ESCO2: variants seen among roughly 807,000 people sequenced by gnomAD.
The protein encoded by ESCO2 is N-acetyltransferase ESCO2.
In ESCO2, 51 loss-of-function variants were observed where a neutral mutation model predicts 61.7. The observed-to-expected ratio is 0.83, with a 90% CI of 0.66 to 1.04. ESCO2 has a LOEUF of 1.04. Among genes scored for constraint, ESCO2 ranks in the 50% least tolerant of loss-of-function variants. The probability of loss-of-function intolerance (pLI) is 0.00; values close to 1 mark genes in which losing one functional copy is unlikely to be tolerated. For synonymous variants in ESCO2, 230 were observed against 238.2 expected, an observed-to-expected ratio of 0.97 and a Z score of 0.32; for missense variants, 692 against 686.2, an observed-to-expected ratio of 1.01 and a Z score of -0.09.
intron 10 of ESCO2, among the ~76,000 whole-genome samples, chr8:27,800,396 G>A (rs1340601449): frequency 6.6e-6 from 1 of 152,140 alleles, no homozygotes; most frequent in African/African-American, 2.4e-5. Context: ...ATCTTTATCA[G>A]GGAAATCACA....
chr8:27,788,037 G>T (rs757385020), intron 6 of ESCO2, 35 bp downstream of exon 6: 4 of 1,502,104 alleles, frequency 2.7e-6, no homozygotes, highest in Non-Finnish European at 3.7e-6. Flanking sequence ...CTCCTATCTA[G>T]CCCTTTGCAG....
At chr8:27,785,892 C>A (rs761370191) in intron 5 of ESCO2, among the ~76,000 whole-genome samples, 5 of 152,118 alleles carry the variant, frequency 3.3e-5, no homozygotes, top group African/African-American at 7.2e-5. Context: ...TAGAGAGTAT[C>A]ACATGCTATT....
At chr8:27,794,617 C>T (rs1200186932) in intron 9 of ESCO2, among the ~76,000 whole-genome samples, 1 of 151,970 alleles carries the variant, frequency 6.6e-6, no homozygotes, top group Non-Finnish European at 1.5e-5. Flanking sequence ...CTTTTATTGC[C>T]CACATTTTTG....
the ESCO2 span, among the ~76,000 whole-genome samples, chr8:27,818,055 T>G: frequency 2.0e-5 from 3 of 152,188 alleles, no homozygotes; most frequent in Admixed American, 1.3e-4. Context: ...TCCAATGCTT[T>G]TTCACCCTCC....
chr8:27,784,828 C>A (rs926343728), intron 5 of ESCO2, among the ~76,000 whole-genome samples: 1 of 152,190 alleles, frequency 6.6e-6, no homozygotes, highest in Non-Finnish European at 1.5e-5. Flanking sequence ...AAGCAAGGAA[C>A]TTCCCGGCTA....
At chr8:27,785,915 G>A (rs1242533740) in intron 5 of ESCO2, among the ~76,000 whole-genome samples, 1 of 152,146 alleles carries the variant, frequency 6.6e-6, no homozygotes, top group African/African-American at 2.4e-5. Context: ...ACTATACTGA[G>A]TTCTAGAGAT....
At chr8:27,788,816 A>G (rs1245292508) in intron 6 of ESCO2, 31 bp from the exon 7 acceptor site, 2 of 1,613,656 alleles carry the variant, frequency 1.2e-6, no homozygotes, top group South Asian at 1.1e-5. Flanking sequence ...CTATATTTAA[A>G]TGGGTTTCTT....
intron 6 of ESCO2, 27 bp from the exon 7 acceptor site, chr8:27,788,820 G>A (rs1563475215): frequency 6.2e-7 from 1 of 1,613,678 alleles, no homozygotes; most frequent in Admixed American, 1.7e-5. Context: ...ATTTAAATGG[G>A]TTTCTTTTTT....
At chr8:27,801,061 T>C (rs989881429) in intron 10 of ESCO2, among the ~76,000 whole-genome samples, 1 of 152,190 alleles carries the variant, frequency 6.6e-6, no homozygotes, top group African/African-American at 2.4e-5. Flanking sequence ...CACTCTGTTG[T>C]ACACTTTTAA....
chr8:27,786,847 T>C (rs1358031029), intron 5 of ESCO2, among the ~76,000 whole-genome samples: 1 of 147,682 alleles, frequency 6.8e-6, no homozygotes, highest in Non-Finnish European at 1.5e-5. Flanking sequence ...AACTTCTTAC[T>C]TTTGGTACTA....
At chr8:27,807,382 CTTTA>C (rs1225400720), downstream of ESCO2, among the ~76,000 whole-genome samples, 1 of 152,056 alleles carries the variant, frequency 6.6e-6, no homozygotes, top group Non-Finnish European at 1.5e-5. Flanking sequence ...TTTGATTTTT[CTTTA>C]TTGTTAATAT....
At chr8:27,772,860 G>A (rs1361536577), upstream of ESCO2, among the ~76,000 whole-genome samples, 1 of 152,186 alleles carries the variant, frequency 6.6e-6, no homozygotes, top group African/African-American at 2.4e-5. Flanking sequence ...CTAACTCACA[G>A]GATATTTTTT....
rs148770061 is a variant in ESCO2 at position 27,799,037 on chromosome 8, C to A, written c.1498-504C>A. ...GTAATTTCATGGTTTTGGTATTATA[C>A]CAGTTATGGAAGATGTAATCATTGG... On this transcript the variant is annotated intron_variant, in intron 9 of 10. Transcript: ENST00000305188. 1.1e-4 allele frequency among the ~76,000 whole-genome samples: 17 copies of A among 152,112 alleles called. No homozygotes were observed. The East Asian group carries it at 1.9e-3, about 17-fold the overall frequency.
intron 3 of ESCO2, chr8:27,778,854 T>C (rs1361947684): frequency 6.6e-6 from 1 of 152,220 alleles, no homozygotes; most frequent in Admixed American, 6.5e-5. Context: ...CTATGCTCTT[T>C]CAAGATTTTG....
rs565442709 is a variant in ESCO2 at position 27,797,817 on chromosome 8, CT to C, written c.1498-1717del. 2.1e-3 allele frequency among the ~76,000 whole-genome samples: 321 copies of C among 152,248 alleles called. 2 individuals carry two copies. The highest frequency in any genetic ancestry group is 2.7e-3 in the Non-Finnish European group (181 of 68,020). The stretch of plus-strand genomic sequence containing the variant: ...TTATATCACCTACAAAAGCTCTGCA[CT>C]TTTTTTCCCTTCAACATTACTAATT... On this transcript the variant is annotated intron_variant, in intron 9 of 10. Transcript: ENST00000305188.
downstream of ESCO2, among the ~76,000 whole-genome samples, chr8:27,814,407 G>C (rs368684620): frequency 9.2e-5 from 14 of 152,084 alleles, no homozygotes; most frequent in East Asian, 1.7e-3. Context: ...TTGGTGACTT[G>C]TGTTCTCTTT....
chr8:27,772,893 G>T (rs1045128201), upstream of ESCO2, among the ~76,000 whole-genome samples: 3 of 152,126 alleles, frequency 2.0e-5, no homozygotes, highest in Non-Finnish European at 2.9e-5. Context: ...GTTAATGGGC[G>T]CCAAGGGTTT....
chr8:27,803,214 A>AT, intron 10 of ESCO2, 92 bp from the exon 11 acceptor site: 1 of 1,151,018 alleles, frequency 8.7e-7, no homozygotes, highest in East Asian at 2.4e-5. Context: ...AATAAGGTTG[A>AT]TTTAAGTCAA....
At chr8:27,814,095 A>C (rs1805762721), downstream of ESCO2, among the ~76,000 whole-genome samples, 1 of 152,106 alleles carries the variant, frequency 6.6e-6, no homozygotes, top group Non-Finnish European at 1.5e-5. Flanking sequence ...AGAGGTCCTT[A>C]TTCCTCTATT....
Sources: allele counts gnomAD v4.1 joint callset (sites outside exome capture counted in the v4.1 genomes callset), GRCh38; gene constraint gnomAD v4.1.1; transcripts MANE v1.5; gene names NCBI Gene and HGNC (gene_info 2026-07-23, HGNC 2026-07-21).